The following WASF3 variants were observed in gnomAD, a reference collection of about 807,000 sequenced individuals.
WASF3 encodes the protein actin-binding protein WASF3.
Under a neutral mutation model 46.6 loss-of-function variants are expected in WASF3, and 11 were observed. The ratio of observed to expected loss-of-function variants is 0.24; its 90% CI spans 0.15 to 0.39. The LOEUF is 0.39. Ranked by LOEUF, WASF3 falls within the 10% of genes least tolerant of loss-of-function variation. The probability of loss-of-function intolerance (pLI) is 1.00; values close to 1 mark genes in which losing one functional copy is unlikely to be tolerated. For missense variants in WASF3, 576 were observed against 669.8 expected (o/e 0.86, Z 1.55); for synonymous variants, 242 against 259.7 (o/e 0.93, Z 0.65).
Position 26,642,298 on chromosome 13 carries a change from C to T in WASF3, c.28C>T (p.Pro10Ser), listed in dbSNP as rs1424207161. MPLVKRNIE[P>S]RHLCRGALPE... Reference sequence around the variant, plus strand: ...GCCTTTAGTGAAGAGGAACATTGAGCCCCGGCACTTGTGCCGGGGAGCTCT... The same window carrying T: ...GCCTTTAGTGAAGAGGAACATTGAGTCCCGGCACTTGTGCCGGGGAGCTCT... Residue 10 changes from proline (P) to serine (S), a missense_variant, in exon 3 of 10, where the codon CCC becomes TCC. Pro to Ser is a moderately conservative substitution (Grantham distance 74, BLOSUM62 -1). Coordinates refer to ENST00000335327, the MANE Select transcript of WASF3 (RefSeq NM_006646.6). 6.3e-7 allele frequency: 1 copy of T among 1,594,062 alleles called. No individual in the cohort carries two copies. Among genetic ancestry groups the T allele is most frequent in the Admixed American group, 1.8e-5 (1 of 54,326 alleles).
the WASF3 span, among the ~76,000 whole-genome samples, chr13:26,551,589 C>A: frequency 6.6e-6 from 1 of 152,126 alleles, no homozygotes; most frequent in Non-Finnish European, 1.5e-5. Flanking sequence ...GGCAATAAAG[C>A]CATGTGAAGG....
the WASF3 span, among the ~76,000 whole-genome samples, chr13:26,548,416 G>A: frequency 5.9e-5 from 9 of 151,994 alleles, no homozygotes; most frequent in South Asian, 2.1e-4. Flanking sequence ...CCTTCTCTTT[G>A]CCGCTTTCTC....
chr13:26,550,827 G>C, the WASF3 span, among the ~76,000 whole-genome samples: 1 of 152,138 alleles, frequency 6.6e-6, no homozygotes, highest in African/African-American at 2.4e-5. Context: ...TGGGGAAGTG[G>C]GGGCAATGTG....
At chr13:26,624,698 C>T (rs1049852171) in intron 2 of WASF3, among the ~76,000 whole-genome samples, 1 of 151,470 alleles carries the variant, frequency 6.6e-6, no homozygotes, top group Non-Finnish European at 1.5e-5. Flanking sequence ...TGCTGAAATA[C>T]CCAAGGTAAA....
chr13:26,579,387 T>C (rs564764525), intron 1 of WASF3, among the ~76,000 whole-genome samples: 31 of 152,336 alleles, frequency 2.0e-4, no homozygotes, highest in African/African-American at 7.0e-4. Context: ...TAATTTTGGA[T>C]AGCAGACACA....
intron 2 of WASF3, among the ~76,000 whole-genome samples, chr13:26,624,805 T>C (rs1881416337): frequency 6.6e-6 from 1 of 152,180 alleles, no homozygotes; most frequent in Non-Finnish European, 1.5e-5. Context: ...TGTCAGAGAC[T>C]ATGAAAGTCA....
At chr13:26,610,072 C>G (rs1880923364) in intron 1 of WASF3, among the ~76,000 whole-genome samples, 1 of 152,130 alleles carries the variant, frequency 6.6e-6, no homozygotes. Context: ...TAGAACATTT[C>G]CATCACTGCG....
chr13:26,622,430 G>A (rs1183899575), intron 2 of WASF3, among the ~76,000 whole-genome samples: 1 of 152,202 alleles, frequency 6.6e-6, no homozygotes, highest in African/African-American at 2.4e-5. Context: ...TTACTGCGGT[G>A]GAGAATGACC....
chr13:26,592,002 A>C (rs976165693), intron 1 of WASF3, among the ~76,000 whole-genome samples: 2 of 149,132 alleles, frequency 1.3e-5, no homozygotes, highest in Non-Finnish European at 3.0e-5. Flanking sequence ...TAGTCATTCA[A>C]AAGGACCTCA....
intron 3 of WASF3, among the ~76,000 whole-genome samples, chr13:26,646,849 G>A (rs1882164539): frequency 6.6e-6 from 1 of 152,170 alleles, no homozygotes; most frequent in Non-Finnish European, 1.5e-5. Context: ...TTCTAAATAG[G>A]AAGAGAGTTA....
At chr13:26,589,775 G>A (rs1259276503) in intron 1 of WASF3, among the ~76,000 whole-genome samples, 1 of 152,178 alleles carries the variant, frequency 6.6e-6, no homozygotes, top group Non-Finnish European at 1.5e-5. Context: ...CTGAGGGAAT[G>A]TTAGACCTCA....
chr13:26,576,262 T>G (rs1037757124), intron 1 of WASF3, among the ~76,000 whole-genome samples: 1 of 152,116 alleles, frequency 6.6e-6, no homozygotes, highest in Non-Finnish European at 1.5e-5. Flanking sequence ...CTTAATTCCT[T>G]CTCTACTATG....
chr13:26,557,508 A>AT (rs961393687), upstream of WASF3, among the ~76,000 whole-genome samples: 2 of 131,044 alleles, frequency 1.5e-5, no homozygotes, highest in African/African-American at 5.7e-5. Flanking sequence ...CGCCTCCGCA[A>AT]TCCCCCGCCC....
chr13:26,555,730 A>G (rs570319056), upstream of WASF3, among the ~76,000 whole-genome samples: 1 of 152,352 alleles, frequency 6.6e-6, no homozygotes, highest in South Asian at 2.1e-4. Flanking sequence ...CAACGACACC[A>G]TAGAAGAGAT....
chr13:26,681,516 C>T (rs1883231028), intron 8 of WASF3, among the ~76,000 whole-genome samples, 196 bp downstream of exon 8: 1 of 152,176 alleles, frequency 6.6e-6, no homozygotes, highest in South Asian at 2.1e-4. Flanking sequence ...ACAGTTGAGT[C>T]TCAGGCCACA....
intron 2 of WASF3, among the ~76,000 whole-genome samples, chr13:26,635,768 A>G (rs1881798486): frequency 6.6e-6 from 1 of 152,144 alleles, no homozygotes. Flanking sequence ...GGTCTGTTGG[A>G]GTTTGCTGGC....
At chr13:26,662,997 G>A (rs9551301) in intron 3 of WASF3, among the ~76,000 whole-genome samples, 40,624 of 152,066 alleles carry the variant, frequency 0.27, 6,020 homozygotes, top group East Asian at 0.58. Flanking sequence ...TGGCAGCAGT[G>A]TGATGCATGG....
chr13:26,540,570 T>C, the WASF3 span, among the ~76,000 whole-genome samples: 1 of 152,196 alleles, frequency 6.6e-6, no homozygotes, highest in Non-Finnish European at 1.5e-5. Flanking sequence ...CCAGGATTGG[T>C]CACTGACAGA....
chr13:26,655,670 T>A (rs759754682), intron 3 of WASF3, among the ~76,000 whole-genome samples: 1 of 152,210 alleles, frequency 6.6e-6, no homozygotes, highest in Non-Finnish European at 1.5e-5. Context: ...CAACATTAGT[T>A]AGTAAGCATT....
Sources: gnomAD v4.1 joint callset for allele counts (sites outside exome capture counted in the v4.1 genomes callset) on GRCh38, gnomAD v4.1.1 for gene constraint, MANE v1.5 for transcripts, NCBI Gene and HGNC (gene_info 2026-07-23, HGNC 2026-07-21) for gene names.